The following ABL1 variants were observed in gnomAD, a reference collection of about 807,000 sequenced individuals.
ABL1 encodes the protein ABL proto-oncogene 1, non-receptor tyrosine kinase, also known as tyrosine-protein kinase ABL1.
A neutral mutation model predicts 94.7 loss-of-function variants in ABL1; 11 were observed. The observed-to-expected ratio is 0.12, with a 90% CI of 0.07 to 0.19. ABL1 has a LOEUF of 0.19. ABL1 is among the 10% of genes least tolerant of loss of function. The pLI, the probability that ABL1 is intolerant of heterozygous loss-of-function variation, is 1.00. For missense variants in ABL1, 1,082 were observed against 1,489.4 expected (o/e 0.73, Z 4.50); for synonymous variants, 656 against 622.4 (o/e 1.05, Z -0.80).
At chr9:130,724,557 C>G (rs1831554376) in intron 1 of ABL1, among the ~76,000 whole-genome samples, 1 of 151,360 alleles carries the variant, frequency 6.6e-6, no homozygotes, top group South Asian at 2.1e-4. Flanking sequence ...TGCCTGTAAT[C>G]CCAGCACTTT....
intron 1 of ABL1, among the ~76,000 whole-genome samples, chr9:130,760,829 A>T (rs1034572882): frequency 3.1e-5 from 4 of 129,346 alleles, no homozygotes; most frequent in African/African-American, 1.2e-4. Context: ...CACCCAGCTA[A>T]TTTTTGCATT....
intron 1 of ABL1, among the ~76,000 whole-genome samples, chr9:130,721,812 G>GT (rs368491783): frequency 0.28 from 37,476 of 132,948 alleles, 7,520 homozygotes; most frequent in East Asian, 0.54. Context: ...AATTTGTCAG[G>GT]TTTTTTTTTG....
At chr9:130,716,046 A>G (rs1156680385) in intron 1 of ABL1, among the ~76,000 whole-genome samples, 2 of 141,560 alleles carry the variant, frequency 1.4e-5, no homozygotes, top group African/African-American at 5.1e-5. Flanking sequence ...ACACACATAT[A>G]TATCCACTTT....
intron 1 of ABL1, among the ~76,000 whole-genome samples, chr9:130,847,550 A>G (rs922587219): frequency 1.3e-5 from 2 of 152,218 alleles, no homozygotes; most frequent in East Asian, 3.8e-4. Flanking sequence ...GAAATGAAGC[A>G]AGTAACTTGG....
At position 130,782,684 on chromosome 9, in the gene ABL1, C is replaced by T. The variant is rs556732020; in HGVS notation, c.136+68229C>T. On this transcript the variant is annotated intron_variant, in intron 1 of 10. Coordinates refer to the ABL1 transcript ENST00000372348. ...TGCGCTGAAGGTCTTAGCATGCCTGCGCAGAGCCCCAGCATCTGTTAGCTG... is the reference window on the plus strand; with the variant it reads ...TGCGCTGAAGGTCTTAGCATGCCTGTGCAGAGCCCCAGCATCTGTTAGCTG... 2.4e-3 allele frequency among the ~76,000 whole-genome samples: 373 copies of T among 152,298 alleles called. 1 individual carries two copies. The highest frequency in any genetic ancestry group is 8.7e-3 in the African/African-American group (361 of 41,558).
intron 1 of ABL1, among the ~76,000 whole-genome samples, chr9:130,724,613 C>G (rs140211836): frequency 0.016 from 2,503 of 151,912 alleles, 69 homozygotes; most frequent in African/African-American, 0.058. Flanking sequence ...AGTTTGAGAC[C>G]AGCCTGGCCA....
At chr9:130,714,422 G>C in exon 1 of ABL1, 3 of 1,614,118 alleles carry the variant, frequency 1.9e-6, no homozygotes, top group Non-Finnish European at 2.5e-6. Context: ...ATCGAGGCAT[G>C]GGGGTCCACA....
intron 3 of ABL1, among the ~76,000 whole-genome samples, chr9:130,858,689 G>A (rs1345195029): frequency 1.3e-5 from 2 of 152,190 alleles, no homozygotes; most frequent in East Asian, 3.8e-4. Context: ...GCAGAACTTC[G>A]ATGCAATCCT....
At chr9:130,786,415 A>G (rs1307882571) in intron 1 of ABL1, among the ~76,000 whole-genome samples, 1 of 152,206 alleles carries the variant, frequency 6.6e-6, no homozygotes, top group Non-Finnish European at 1.5e-5. Context: ...AGACTAATGG[A>G]TGCCAAATAG....
intron 1 of ABL1, among the ~76,000 whole-genome samples, chr9:130,798,102 A>G (rs1355232292): frequency 6.6e-6 from 1 of 152,214 alleles, no homozygotes; most frequent in Non-Finnish European, 1.5e-5. Context: ...TGTTTTTATT[A>G]CAAAGGTAGC....
Position 130,884,580 on chromosome 9 carries a change from C to G in ABL1, c.2290C>G (p.Arg764Gly), listed in dbSNP as rs773883545. The G allele has an allele frequency of 1.4e-5, 22 of 1,613,188 alleles. 1 individual carries two copies. In the South Asian group the frequency reaches 1.5e-4, roughly 11 times the overall value. Residue 764 changes from arginine to glycine, a missense_variant, in exon 11 of 11, where the codon CGG becomes GGG. By Grantham distance (125) the Arg-to-Gly change is moderately radical (BLOSUM62 -2). Coordinates refer to ENST00000318560, the MANE Select transcript of ABL1 (RefSeq NM_005157.6). This position sits in a 1 kb window ranked among gnomAD's most constrained non-coding sequence, Gnocchi z 5.6. ...CAAAAGTGAGAAGCCGGCTCTGCCT[C>G]GGAAGAGGGCAGGGGAGAACAGGTC... ...GHKSEKPALP[R>G]KRAGENRSDQ...
chr9:130,755,764 G>C (rs1292774296), intron 1 of ABL1, among the ~76,000 whole-genome samples: 1 of 151,982 alleles, frequency 6.6e-6, no homozygotes, highest in Non-Finnish European at 1.5e-5. Context: ...CCTTTTCCTG[G>C]GTTTGTAGGG....
intron 1 of ABL1, among the ~76,000 whole-genome samples, chr9:130,759,483 T>C (rs1832083233): frequency 1.3e-5 from 2 of 152,210 alleles, no homozygotes; most frequent in African/African-American, 4.8e-5. Context: ...TCGAATTTGC[T>C]TTTTGTCTAA....
chr9:130,838,978 C>A (rs1830628957), intron 1 of ABL1, among the ~76,000 whole-genome samples: 1 of 152,136 alleles, frequency 6.6e-6, no homozygotes, highest in African/African-American at 2.4e-5. Context: ...GGCACAATCA[C>A]AGCTCACTGC....
At chr9:130,827,731 C>G (rs1253805117) in intron 1 of ABL1, among the ~76,000 whole-genome samples, 2 of 151,878 alleles carry the variant, frequency 1.3e-5, no homozygotes, top group African/African-American at 2.4e-5. Flanking sequence ...CCCATCTCCA[C>G]TAAAAATACA....
chr9:130,792,822 C>A (rs557832996), intron 1 of ABL1, among the ~76,000 whole-genome samples: 9 of 152,258 alleles, frequency 5.9e-5, no homozygotes, highest in African/African-American at 1.9e-4. Context: ...GGCAGAGCCC[C>A]AGAACTACCC....
intron 1 of ABL1, among the ~76,000 whole-genome samples, chr9:130,815,415 C>T (rs977150821): frequency 1.3e-5 from 2 of 152,174 alleles, no homozygotes; most frequent in African/African-American, 4.8e-5. Context: ...TTCAGTTAAA[C>T]CCAGCTTCAT....
intron 1 of ABL1, among the ~76,000 whole-genome samples, chr9:130,792,596 A>AT (rs1829924198): frequency 6.6e-6 from 1 of 152,246 alleles, no homozygotes; most frequent in African/African-American, 2.4e-5. Flanking sequence ...GGGGGAGGGT[A>AT]TAAGAGGGTT....
At chr9:130,836,133 A>T (rs1380861434) in intron 1 of ABL1, among the ~76,000 whole-genome samples, 1 of 152,214 alleles carries the variant, frequency 6.6e-6, no homozygotes, top group Non-Finnish European at 1.5e-5. Context: ...GACCACGAAG[A>T]GGTCTTAGGA....
Sources: allele counts gnomAD v4.1 joint callset (sites outside exome capture counted in the v4.1 genomes callset), GRCh38; gene constraint gnomAD v4.1.1; non-coding constraint Gnocchi (gnomAD v3.1); transcripts MANE v1.5; gene names NCBI Gene and HGNC (gene_info 2026-07-23, HGNC 2026-07-21).